The following CRPPA variants were observed in gnomAD, a reference collection of about 807,000 sequenced individuals.
CRPPA encodes the protein D-ribitol-5-phosphate cytidylyltransferase.
A neutral mutation model predicts 52.0 loss-of-function variants in CRPPA; 43 were observed. The ratio of observed to expected loss-of-function variants is 0.83; its 90% CI spans 0.65 to 1.07. The LOEUF is 1.07. Ranked by LOEUF, CRPPA falls within the 50% of genes least tolerant of loss-of-function variation. CRPPA has a pLI of 0.00. For synonymous variants in CRPPA, 250 were observed against 203.5 expected, an observed-to-expected ratio of 1.23 and a Z score of -1.94; for missense variants, 629 against 551.7, an observed-to-expected ratio of 1.14 and a Z score of -1.40.
chr7:16,415,149 A>G (rs1382863569), intron 1 of CRPPA, among the ~76,000 whole-genome samples: 1 of 152,242 alleles, frequency 6.6e-6, no homozygotes, highest in African/African-American at 2.4e-5. Context: ...AGCAGTTTCA[A>G]TGGCGCAAAG....
chr7:16,269,092 G>A (rs1286951845), intron 6 of CRPPA: 1 of 152,144 alleles, frequency 6.6e-6, no homozygotes, highest in Non-Finnish European at 1.5e-5. Context: ...TTGGCTGTTG[G>A]CCCGGTAGAG....
chr7:16,258,437 G>C lies in CRPPA; in HGVS notation c.1072C>G (p.Leu358Val). ...FQETQKLLSM[L>V]EESSLCILYP... ...AAAATGCAAAGACTACTCTCTTCAA[G>C]CATGCTCAGTAACTTCTGGGTTTCT... Residue 358 changes from leucine (L) to valine (V), a missense_variant, in exon 8 of 10, where the codon CTT (leucine) becomes GTT (valine). Coordinates refer to ENST00000407010, the MANE Select transcript of CRPPA (RefSeq NM_001101426.4). 1.2e-6 allele frequency: 2 copies of C among 1,607,420 alleles called. No homozygotes were observed. The highest frequency in any genetic ancestry group is 1.7e-6 in the Non-Finnish European group (2 of 1,176,764).
At chr7:16,405,661 T>C (rs1342642905) in intron 2 of CRPPA, among the ~76,000 whole-genome samples, 2 of 152,186 alleles carry the variant, frequency 1.3e-5, no homozygotes, top group Admixed American at 6.5e-5. Context: ...AAATCTTATA[T>C]AGTATATACT....
intron 4 of CRPPA, among the ~76,000 whole-genome samples, chr7:16,303,136 A>G (rs1784824987): frequency 6.6e-6 from 1 of 152,198 alleles, no homozygotes; most frequent in Non-Finnish European, 1.5e-5. Context: ...TTGTTTTAGA[A>G]ATACTATAGC....
chr7:16,271,362 T>C (rs1416705569), intron 6 of CRPPA, among the ~76,000 whole-genome samples: 1 of 152,198 alleles, frequency 6.6e-6, no homozygotes, highest in African/African-American at 2.4e-5. Flanking sequence ...ACCATAATCT[T>C]CTTGTAAAGG....
intron 9 of CRPPA, among the ~76,000 whole-genome samples, chr7:16,138,040 A>G (rs1782794715): frequency 1.3e-5 from 2 of 152,208 alleles, no homozygotes; most frequent in Non-Finnish European, 2.9e-5. Flanking sequence ...AATAGATAAC[A>G]TAAATATTAA....
chr7:16,273,224 A>T (rs1784128664), intron 6 of CRPPA, among the ~76,000 whole-genome samples: 1 of 151,156 alleles, frequency 6.6e-6, no homozygotes. Flanking sequence ...TGAGGGCCAC[A>T]CCCTTAGGCC....
chr7:16,286,097 A>AAAATATATATATAT lies in CRPPA; in HGVS notation c.836-7872_836-7871insATATATATATATTT. Among the ~76,000 whole-genome samples the AAAATATATATATAT allele has an allele frequency of 2.1e-3, 84 of 39,118 alleles. 7 individuals are homozygous for AAAATATATATATAT. The highest frequency in any genetic ancestry group is 0.012 in the African/African-American group (67 of 5,450). The allele number at this position is 39,118 out of a possible 152,430, so 25.7% of individuals were successfully genotyped here. On this transcript the variant is annotated intron_variant, in intron 5 of 9. Coordinates refer to ENST00000407010, the MANE Select transcript of CRPPA (RefSeq NM_001101426.4). ...TATATATATAATATTTAAAAAAAAAAATATATATATATATATATATGCCAA... is the reference window on the plus strand; with the variant it reads ...TATATATATAATATTTAAAAAAAAAAAAATATATATATATATATATATATATATATATATGCCAA...
At chr7:16,164,343 C>A (rs12671500) in intron 9 of CRPPA, among the ~76,000 whole-genome samples, 2 of 152,242 alleles carry the variant, frequency 1.3e-5, no homozygotes, top group East Asian at 3.9e-4. Context: ...TCTTGTGCTG[C>A]GTTTTTCAGC....
At position 16,091,611 on chromosome 7, in the gene CRPPA, C is replaced by T; in HGVS notation, c.*84G>A. On this transcript the variant is annotated 3_prime_UTR_variant, in exon 10 of 10. Transcript: ENST00000407010. Reference sequence around the variant, plus strand: ...AGATATAAAAGACAACTGAAACATTCTACCACACACAGCAGCGGGGGCACA... The same window carrying T: ...AGATATAAAAGACAACTGAAACATTTTACCACACACAGCAGCGGGGGCACA... 4.3e-6 allele frequency: 3 copies of T among 705,674 alleles called. 1 individual carries two copies. In the South Asian group the frequency reaches 5.4e-5, roughly 13 times the overall value. The allele number at this position is 705,674 out of a possible 1,614,324, so 43.7% of individuals were successfully genotyped here.
intron 4 of CRPPA, among the ~76,000 whole-genome samples, chr7:16,305,300 G>C (rs1477589506): frequency 6.6e-6 from 1 of 152,110 alleles, no homozygotes; most frequent in Non-Finnish European, 1.5e-5. Flanking sequence ...AAAAAAATGT[G>C]ATACCAAAAA....
intron 9 of CRPPA, among the ~76,000 whole-genome samples, chr7:16,195,676 T>C (rs926412603): frequency 6.6e-6 from 1 of 152,180 alleles, no homozygotes; most frequent in African/African-American, 2.4e-5. Context: ...AAAAAGCTTC[T>C]TTCCTTTCAT....
chr7:16,401,295 C>T (rs186439739), intron 2 of CRPPA, among the ~76,000 whole-genome samples: 6 of 152,274 alleles, frequency 3.9e-5, no homozygotes, highest in Admixed American at 3.9e-4. Flanking sequence ...GAATAAAGAG[C>T]AAATTCTTTA....
intron 3 of CRPPA, among the ~76,000 whole-genome samples, chr7:16,333,979 G>A (rs1346002021): frequency 1.3e-5 from 2 of 152,036 alleles, no homozygotes; most frequent in African/African-American, 4.8e-5. Context: ...ACTATTCTAG[G>A]ACTCTTCACA....
At chr7:16,335,619 G>A (rs1785662095) in intron 3 of CRPPA, among the ~76,000 whole-genome samples, 1 of 152,048 alleles carries the variant, frequency 6.6e-6, no homozygotes, top group Non-Finnish European at 1.5e-5. Context: ...GAATAAAGAA[G>A]GCCTAGGAGA....
intron 8 of CRPPA, among the ~76,000 whole-genome samples, chr7:16,227,246 T>C (rs966376642): frequency 2.6e-5 from 4 of 151,938 alleles, no homozygotes; most frequent in South Asian, 2.1e-4. Flanking sequence ...CCTTTGTATA[T>C]GTAGCTAGTA....
intron 9 of CRPPA, among the ~76,000 whole-genome samples, chr7:16,207,624 T>A (rs7778438): frequency 0.28 from 43,141 of 152,214 alleles, 7,859 homozygotes; most frequent in Admixed American, 0.39. Context: ...TTTATTTCAA[T>A]GCACTAAAAT....
intron 9 of CRPPA, among the ~76,000 whole-genome samples, chr7:16,181,816 C>T (rs1781417765): frequency 6.6e-6 from 1 of 151,760 alleles, no homozygotes; most frequent in Non-Finnish European, 1.5e-5. Flanking sequence ...ATTATAAATA[C>T]TGAATATGAG....
At chr7:16,323,983 G>A (rs1352370206) in intron 3 of CRPPA, among the ~76,000 whole-genome samples, 1 of 152,094 alleles carries the variant, frequency 6.6e-6, no homozygotes, top group African/African-American at 2.4e-5. Context: ...AGGAAGGAAG[G>A]CAACACAATC....
Sources: gnomAD v4.1 joint callset for allele counts (sites outside exome capture counted in the v4.1 genomes callset) on GRCh38, gnomAD v4.1.1 for gene constraint, MANE v1.5 for transcripts, NCBI Gene and HGNC (gene_info 2026-07-23, HGNC 2026-07-21) for gene names.